SNTG1: variants seen among roughly 807,000 people sequenced by gnomAD.
SNTG1 encodes syntrophin gamma 1, also known as gamma-1-syntrophin.
In SNTG1, 39 loss-of-function variants were observed where a neutral mutation model predicts 74.7. The observed-to-expected ratio is 0.52, with a 90% CI of 0.40 to 0.68. The LOEUF (loss-of-function observed/expected upper bound fraction) is 0.68. Among genes scored for constraint, SNTG1 ranks in the 30% least tolerant of loss-of-function variants. SNTG1 has a pLI of 0.00. For synonymous variants in SNTG1, 254 were observed against 217.1 expected (o/e 1.17, Z -1.49); for missense variants, 685 against 609.5 (o/e 1.12, Z -1.30).
At chr8:50,377,466 TG>T (rs2092408440) in intron 2 of SNTG1, among the ~76,000 whole-genome samples, 1 of 152,192 alleles carries the variant, frequency 6.6e-6, no homozygotes, top group African/African-American at 2.4e-5. Flanking sequence ...ACATCTCATT[TG>T]TTTTTTTTCT....
At chr8:50,327,675 G>A (rs1422152488) in intron 2 of SNTG1, among the ~76,000 whole-genome samples, 2 of 152,040 alleles carry the variant, frequency 1.3e-5, no homozygotes, top group Admixed American at 6.5e-5. Flanking sequence ...GATACCATTA[G>A]ATAAATGTCT....
chr8:50,402,913 T>A (rs1045740057), intron 4 of SNTG1, among the ~76,000 whole-genome samples: 1 of 152,210 alleles, frequency 6.6e-6, no homozygotes, highest in Non-Finnish European at 1.5e-5. Context: ...GCTCCTAATC[T>A]AACTTCAGAA....
intron 17 of SNTG1, among the ~76,000 whole-genome samples, chr8:50,730,434 T>G (rs1233095648): frequency 6.6e-6 from 1 of 152,184 alleles, no homozygotes; most frequent in Admixed American, 6.5e-5. Flanking sequence ...TTTCACACTA[T>G]TTTGGCACTA....
chr8:50,269,972 G>GT (rs1458497853), intron 2 of SNTG1, among the ~76,000 whole-genome samples: 1 of 152,122 alleles, frequency 6.6e-6, no homozygotes, highest in Non-Finnish European at 1.5e-5. Context: ...TTCTCCATGT[G>GT]TTTTTAATTC....
At chr8:50,240,919 T>G (rs2086136599) in intron 2 of SNTG1, among the ~76,000 whole-genome samples, 1 of 152,222 alleles carries the variant, frequency 6.6e-6, no homozygotes, top group South Asian at 2.1e-4. Flanking sequence ...TTTATATTTT[T>G]CTGGATTTTT....
chr8:50,763,648 T>TTGTGTGTGTGTGTGTGTG (rs141415804), intron 18 of SNTG1, among the ~76,000 whole-genome samples: 2 of 117,096 alleles, frequency 1.7e-5, no homozygotes, highest in Non-Finnish European at 3.5e-5. Flanking sequence ...ATTGCCTTTA[T>TTGTGTGTGTGTGTGTGTG]TGTGTGTGTG....
chr8:49,997,436 C>T (rs1814333602), intron 1 of SNTG1, among the ~76,000 whole-genome samples: 1 of 152,162 alleles, frequency 6.6e-6, no homozygotes, highest in East Asian at 1.9e-4. Context: ...TTCTCTGCTC[C>T]CTTAACTCAG....
chr8:50,296,086 C>G (rs1262965570), intron 2 of SNTG1, among the ~76,000 whole-genome samples: 1 of 152,088 alleles, frequency 6.6e-6, no homozygotes. Context: ...AGACCACTCA[C>G]AGCTCCCCAG....
At chr8:50,149,787 T>G (rs2082000409) in intron 1 of SNTG1, among the ~76,000 whole-genome samples, 1 of 152,224 alleles carries the variant, frequency 6.6e-6, no homozygotes, top group Non-Finnish European at 1.5e-5. Flanking sequence ...GCTGTTTTGG[T>G]CACTGTAGCC....
At chr8:50,406,457 A>G (rs1325402020) in intron 4 of SNTG1, among the ~76,000 whole-genome samples, 3 of 152,142 alleles carry the variant, frequency 2.0e-5, no homozygotes, top group Non-Finnish European at 2.9e-5. Flanking sequence ...GGTTTTCTAC[A>G]TATAAGATTA....
chr8:50,508,571 T>C lies in SNTG1; in HGVS notation c.466+5691T>C, dbSNP rs144488951. Among the ~76,000 whole-genome samples, 1,152 of 152,290 alleles carry C rather than the reference T, an allele frequency of 7.6e-3. 18 individuals carry two copies. The highest frequency in any genetic ancestry group is 0.027 in the African/African-American group (1,102 of 41,542). On this transcript the variant is annotated intron_variant, in intron 9 of 18. Coordinates refer to ENST00000642720, the MANE Select transcript of SNTG1 (RefSeq NM_018967.5). The stretch of plus-strand genomic sequence containing the variant: ...AGTTTTCCTATTTCTCCACATCCTC[T>C]CCAGCACCTGTTGTTTCCTGACTTT...
intron 9 of SNTG1, among the ~76,000 whole-genome samples, chr8:50,514,436 T>C (rs537207919): frequency 2.0e-5 from 3 of 152,350 alleles, no homozygotes; most frequent in East Asian, 3.9e-4. Context: ...TTTTAATTTG[T>C]TGGATATTGT....
At chr8:50,642,070 C>T (rs1245802066) in intron 13 of SNTG1, among the ~76,000 whole-genome samples, 1 of 152,138 alleles carries the variant, frequency 6.6e-6, no homozygotes, top group Non-Finnish European at 1.5e-5. Flanking sequence ...AACTGAGCTC[C>T]TGGTTTTATC....
intron 18 of SNTG1, among the ~76,000 whole-genome samples, chr8:50,763,903 AC>A (rs1563817662): frequency 1.5e-4 from 17 of 114,296 alleles, no homozygotes; most frequent in Middle Eastern, 8.4e-3. Flanking sequence ...ACACACACAC[AC>A]ACAAAAATAA....
At chr8:50,619,140 G>C (rs1433300410) in intron 13 of SNTG1, among the ~76,000 whole-genome samples, 1 of 152,076 alleles carries the variant, frequency 6.6e-6, no homozygotes, top group Non-Finnish European at 1.5e-5. Context: ...CATCAAAGTG[G>C]TTCTGCTATT....
chr8:50,658,568 A>G, intron 14 of SNTG1, 24 bp from the exon 15 acceptor site: 1 of 1,523,460 alleles, frequency 6.6e-7, no homozygotes, highest in Non-Finnish European at 9.0e-7. Flanking sequence ...AACAAATTAA[A>G]CATTATTTTC....
chr8:50,664,868 T>G (rs571710335), intron 15 of SNTG1, among the ~76,000 whole-genome samples: 1 of 152,288 alleles, frequency 6.6e-6, no homozygotes, highest in South Asian at 2.1e-4. Flanking sequence ...TCATAATAGA[T>G]GAGCAGTGTA....
intron 2 of SNTG1, among the ~76,000 whole-genome samples, chr8:50,218,418 GGTT>G (rs1014991572): frequency 2.5e-4 from 38 of 152,020 alleles, no homozygotes; most frequent in African/African-American, 8.7e-4. Context: ...CTCATTGTGT[GGTT>G]GTTATATATT....
chr8:50,780,490 T>C (rs1409966751), intron 18 of SNTG1, among the ~76,000 whole-genome samples: 2 of 152,240 alleles, frequency 1.3e-5, no homozygotes, highest in Non-Finnish European at 2.9e-5. Context: ...TTTATTTGCA[T>C]AGAGGTGTTT....
Sources: allele counts gnomAD v4.1 joint callset (sites outside exome capture counted in the v4.1 genomes callset), GRCh38; gene constraint gnomAD v4.1.1; transcripts MANE v1.5; gene names NCBI Gene and HGNC (gene_info 2026-07-23, HGNC 2026-07-21).